IL10RB: variants seen among roughly 807,000 people sequenced by gnomAD.
IL10RB encodes interleukin-10 receptor subunit beta.
IL10RB carries 30 observed loss-of-function variants against 38.7 expected under a neutral mutation model. The observed-to-expected ratio is 0.78, with a 90% CI of 0.58 to 1.05. IL10RB has a LOEUF of 1.05. Among genes scored for constraint, IL10RB ranks in the 50% least tolerant of loss-of-function variants. The pLI is 0.00. For synonymous variants in IL10RB, 142 were observed against 145.9 expected (o/e 0.97, Z 0.19); for missense variants, 328 against 397.1 (o/e 0.83, Z 1.48).
At chr21:33,299,695 C>T (rs1158329588), downstream of IL10RB, among the ~76,000 whole-genome samples, 5 of 152,290 alleles carry the variant, frequency 3.3e-5, no homozygotes, top group African/African-American at 1.2e-4. Flanking sequence ...GATGCCCAGG[C>T]CTTACCATGA....
intron 5 of IL10RB, among the ~76,000 whole-genome samples, chr21:33,285,695 G>T (rs1989359899): frequency 6.6e-6 from 1 of 152,164 alleles, no homozygotes; most frequent in Admixed American, 6.5e-5. Context: ...TAACAGGGCG[G>T]GGCCCATGGA....
At chr21:33,284,584 G>A (rs907288601) in intron 5 of IL10RB, among the ~76,000 whole-genome samples, 6 of 152,154 alleles carry the variant, frequency 3.9e-5, no homozygotes, top group Non-Finnish European at 8.8e-5. Context: ...CAGATCTCAC[G>A]CTGAAATGTA....
chr21:33,269,783 C>T (rs1417123801), intron 2 of IL10RB, among the ~76,000 whole-genome samples: 2 of 151,872 alleles, frequency 1.3e-5, no homozygotes, highest in Non-Finnish European at 2.9e-5. Flanking sequence ...CTCAGCCTCC[C>T]GAGTAGATGG....
downstream of IL10RB, among the ~76,000 whole-genome samples, chr21:33,298,119 T>C (rs898281828): frequency 6.6e-6 from 1 of 152,138 alleles, no homozygotes; most frequent in Non-Finnish European, 1.5e-5. Context: ...TCACCCACAT[T>C]ATGGAGGGTA....
At chr21:33,309,186 GACA>G (rs1160876276) in exon 2 of IL10RB, 1 of 152,168 alleles carries the variant, frequency 6.6e-6, no homozygotes, top group African/African-American at 2.4e-5. Flanking sequence ...GATGTACATA[GACA>G]TGTAAGAAAG....
At chr21:33,286,372 G>C (rs1197669161) in intron 5 of IL10RB, among the ~76,000 whole-genome samples, 1 of 152,196 alleles carries the variant, frequency 6.6e-6, no homozygotes, top group Non-Finnish European at 1.5e-5. Context: ...CGTGAGGGCG[G>C]TGCTGGTTGG....
chr21:33,309,764 G>T (rs1467849), exon 2 of IL10RB: 119,325 of 152,180 alleles, frequency 0.78, 47,744 homozygotes, highest in African/African-American at 0.95. Flanking sequence ...GTCCTCCAGA[G>T]GAGTTACTAC....
intron 5 of IL10RB, among the ~76,000 whole-genome samples, chr21:33,286,363 G>C (rs886335519): frequency 5.3e-5 from 8 of 152,172 alleles, no homozygotes; most frequent in Non-Finnish European, 1.2e-4. Context: ...TGCTGTGCTC[G>C]TGAGGGCGGT....
chr21:33,266,663 A>T (rs1988954386), intron 1 of IL10RB, 149 bp downstream of exon 1: 1 of 758,928 alleles, frequency 1.3e-6, no homozygotes, highest in Non-Finnish European at 2.1e-6. Context: ...CCGGCTGCTG[A>T]GACGCAACTA....
chr21:33,269,090 A>G (rs1989028635), intron 2 of IL10RB, among the ~76,000 whole-genome samples: 1 of 152,204 alleles, frequency 6.6e-6, no homozygotes, highest in African/African-American at 2.4e-5. Context: ...CCATCCTGAA[A>G]TTAAAAGTAA....
chr21:33,298,335 C>T (rs923263032), downstream of IL10RB, among the ~76,000 whole-genome samples: 4 of 151,986 alleles, frequency 2.6e-5, no homozygotes, highest in Non-Finnish European at 4.4e-5. Context: ...AAAATTTGGC[C>T]GGGTGTGGTG....
chr21:33,285,835 G>A (rs45625238), intron 5 of IL10RB, among the ~76,000 whole-genome samples: 4 of 152,154 alleles, frequency 2.6e-5, no homozygotes, highest in African/African-American at 4.8e-5. Context: ...GAGACCTCAC[G>A]TGTCCAGCTG....
At chr21:33,302,948 T>A (rs1481052418) in intron 1 of IL10RB, among the ~76,000 whole-genome samples, 2 of 152,212 alleles carry the variant, frequency 1.3e-5, no homozygotes, top group Non-Finnish European at 2.9e-5. Context: ...AGAACTGGCA[T>A]AGCCAGTGCA....
downstream of IL10RB, chr21:33,297,267 G>A (rs7281762): frequency 0.16 from 23,630 of 151,972 alleles, 2,365 homozygotes; most frequent in East Asian, 0.36. Context: ...TACTGAAAAA[G>A]GCTCTAGTTT....
chr21:33,273,597 G>A (rs1184344343), intron 2 of IL10RB, among the ~76,000 whole-genome samples: 2 of 152,286 alleles, frequency 1.3e-5, no homozygotes, highest in East Asian at 3.9e-4. Context: ...GAAGTCTGCT[G>A]CATCAACTAA....
chr21:33,268,779 G>A (rs1468897847), intron 2 of IL10RB, among the ~76,000 whole-genome samples: 5 of 152,280 alleles, frequency 3.3e-5, no homozygotes, highest in African/African-American at 4.8e-5. Context: ...TTTATCATGC[G>A]TATGTAGATA....
rs976825221 is a variant in IL10RB at position 33,296,695 on chromosome 21, T to C, written c.*338T>C. On this transcript the variant is annotated 3_prime_UTR_variant, in exon 7 of 7. Transcript: ENST00000290200. ...CGAGCACAGTGGCTCACGCCTGTAA[T>C]ACCAGCACCTTAGAGGTCGAGGCAG... The C allele has an allele frequency of 5.8e-5, 24 of 412,244 alleles. No homozygotes were observed. The highest frequency in any genetic ancestry group is 4.5e-4 in the African/African-American group (22 of 48,824). The allele number at this position is 412,244 out of a possible 1,614,324, so 25.5% of individuals were successfully genotyped here.
intron 1 of IL10RB, chr21:33,308,889 A>G (rs2083005260): frequency 6.6e-6 from 1 of 152,228 alleles, no homozygotes; most frequent in South Asian, 2.1e-4. Context: ...TAAAGTTGGC[A>G]AACCATTGCC....
chr21:33,266,472 T>C lies in IL10RB; in HGVS notation c.7T>C (p.Trp3Arg). The change falls in exon 1 of 7, where the codon TGG (tryptophan) becomes CGG (arginine). Residue 3 changes from tryptophan (W) to arginine (R), a missense_variant. By Grantham distance (101) the Trp-to-Arg change is moderately radical. Coordinates refer to ENST00000290200, the MANE Select transcript of IL10RB (RefSeq NM_000628.5). The part of the protein sequence containing the change: MA[W>R]SLGSWLGGCL... ...GAACCCCCAGCGTCCGTCCATGGCG[T>C]GGAGCCTTGGGAGCTGGCTGGGTGG... The C allele has an allele frequency of 6.5e-7, 1 of 1,542,242 alleles. No individual in the cohort carries two copies. Among genetic ancestry groups the C allele is most frequent in the Non-Finnish European group, 8.7e-7 (1 of 1,146,962 alleles).
Sources: allele counts gnomAD v4.1 joint callset (sites outside exome capture counted in the v4.1 genomes callset), GRCh38; gene constraint gnomAD v4.1.1; transcripts MANE v1.5; gene names NCBI Gene and HGNC (gene_info 2026-07-23, HGNC 2026-07-21).